TBC1D17: variants seen among roughly 807,000 people sequenced by gnomAD.
TBC1D17 encodes TBC1 domain family, member 17.
A neutral mutation model predicts 78.8 loss-of-function variants in TBC1D17; 69 were observed. The observed-to-expected ratio is 0.88, with a 90% CI of 0.72 to 1.07. The LOEUF is 1.07. Ranked by LOEUF, TBC1D17 falls within the 50% of genes least tolerant of loss-of-function variation. TBC1D17 has a pLI of 0.00. For missense variants in TBC1D17, 957 were observed against 861.0 expected (o/e 1.11, Z -1.39); for synonymous variants, 456 against 358.3 (o/e 1.27, Z -3.08).
rs1316517621 is a variant in TBC1D17 at position 49,888,329 on chromosome 19, T to A, written c.1746+12T>A. The A allele has an allele frequency of 1.3e-6, 2 of 1,558,330 alleles. No homozygotes were observed. Among genetic ancestry groups the A allele is most frequent in the Admixed American group, 1.9e-5 (1 of 52,468 alleles). On this transcript the variant is annotated intron_variant, in intron 16 of 16. Coordinates refer to ENST00000221543, the MANE Select transcript of TBC1D17 (RefSeq NM_024682.3). ...TAACCGCCTGCCCCGTGAGTCCCCG[T>A]CCGCCCCGCAGCGCCCCGCCCGAAC...
intron 9 of TBC1D17, among the ~76,000 whole-genome samples, chr19:49,883,403 C>T (rs2075032775): frequency 6.6e-6 from 1 of 152,228 alleles, no homozygotes; most frequent in Non-Finnish European, 1.5e-5. Context: ...GGACGATTCC[C>T]TGTCCCTGGT....
chr19:49,885,793 A>T (rs2075053849), intron 13 of TBC1D17, among the ~76,000 whole-genome samples: 1 of 151,848 alleles, frequency 6.6e-6, no homozygotes, highest in Non-Finnish European at 1.5e-5. Flanking sequence ...GCAACATAGC[A>T]AAACTCTGTT....
At chr19:49,887,979 T>C (rs987865192) in intron 15 of TBC1D17, 145 bp downstream of exon 15, 2 of 912,484 alleles carry the variant, frequency 2.2e-6, no homozygotes, top group African/African-American at 3.3e-5. Flanking sequence ...GCCGCGTAGG[T>C]TTCCCTTCTG....
chr19:49,882,422 C>G, intron 7 of TBC1D17, 22 bp downstream of exon 7: 2 of 1,584,998 alleles, frequency 1.3e-6, no homozygotes, highest in Middle Eastern at 3.3e-4. Flanking sequence ...GTGGACCCTC[C>G]CTGTTATTTC....
At chr19:49,883,219 G>A in intron 9 of TBC1D17, 143 bp downstream of exon 9, 1 of 716,412 alleles carries the variant, frequency 1.4e-6, no homozygotes, top group East Asian at 2.8e-5. Flanking sequence ...CAATGATCAA[G>A]CCAGACCCAT....
At chr19:49,878,276 C>G in intron 2 of TBC1D17, 35 bp downstream of exon 2, 15 of 1,540,694 alleles carry the variant, frequency 9.7e-6, no homozygotes, top group Non-Finnish European at 1.3e-5. Flanking sequence ...GGACCCGCTC[C>G]GAGCGGGATG....
Position 49,887,834 on chromosome 19 carries a change from G to A in TBC1D17, c.1659G>A (p.Lys553=), listed in dbSNP as rs1309575936. The A allele has an allele frequency of 6.2e-7, 1 of 1,607,202 alleles. No individual in the cohort carries two copies. Among genetic ancestry groups the A allele is most frequent in the South Asian group, 1.1e-5 (1 of 90,110 alleles). The change falls in exon 15 of 17, where the codon AAG becomes AAA. Residue 553 remains lysine, a splice_region_variant and synonymous_variant. Coordinates refer to ENST00000221543, the MANE Select transcript of TBC1D17 (RefSeq NM_024682.3). ...LSGFGSNEIL[K]HINELTMKLS... ...GCTTCGGCTCCAATGAGATCCTCAAGGTGAGGCTCCGGCCCCGCCCCCGCC... is the reference window on the plus strand; with the variant it reads ...GCTTCGGCTCCAATGAGATCCTCAAAGTGAGGCTCCGGCCCCGCCCCCGCC...
intron 13 of TBC1D17, chr19:49,886,785 A>C (rs746739764): frequency 9.2e-5 from 14 of 152,418 alleles, no homozygotes; most frequent in Non-Finnish European, 1.9e-4. Context: ...AAAAAGGTTC[A>C]ACACCAGCTT....
rs1319941193 is a variant in TBC1D17 at position 49,878,161 on chromosome 19, G to A, written c.40G>A (p.Gly14Arg). The change falls in exon 2 of 17, where the codon GGA (glycine) becomes AGA (arginine). Residue 14 changes from glycine (G) to arginine (R), a missense_variant. Transcript: ENST00000221543. ...AACTCAGGTGGTGTTTGAGAAGGGC[G>A]GAGTGTACCTGCACACCAGCGCTAA... ...AGYRVVFEKG[G>R]VYLHTSAKKY... is the part of the protein sequence containing the mutation. 5 of 1,578,332 alleles carry A rather than the reference G, an allele frequency of 3.2e-6. No homozygotes were observed. The highest frequency in any genetic ancestry group is 1.4e-5 in the African/African-American group (1 of 73,770).
At chr19:49,880,241 C>T in intron 3 of TBC1D17, 38 bp from the exon 4 acceptor site, 1 of 1,610,038 alleles carries the variant, frequency 6.2e-7, no homozygotes, top group Non-Finnish European at 8.5e-7. Context: ...AGATCTGAAT[C>T]CATGGCCCCT....
chr19:49,877,912 C>T, intron 1 of TBC1D17, 168 bp downstream of exon 1: 2 of 862,224 alleles, frequency 2.3e-6, no homozygotes, highest in South Asian at 1.8e-5. Context: ...AGGGAAGAAC[C>T]TCCCATGGCC....
chr19:49,888,143 TCATTGTTTC>T (rs2075078010), intron 15 of TBC1D17, 79 bp from the exon 16 acceptor site: 1 of 1,544,650 alleles, frequency 6.5e-7, no homozygotes, highest in African/African-American at 1.4e-5. Context: ...CGGTGTGTCT[TCATTGTTTC>T]CCAGCACGAA....
chr19:49,880,749 G>C (rs549506369), intron 4 of TBC1D17, among the ~76,000 whole-genome samples: 3 of 152,224 alleles, frequency 2.0e-5, no homozygotes, highest in Non-Finnish European at 2.9e-5. Context: ...AGGGTGCAGG[G>C]GACATCCAGA....
chr19:49,881,498 G>A (rs373537479), intron 5 of TBC1D17, 23 bp downstream of exon 5: 8 of 1,599,776 alleles, frequency 5.0e-6, no homozygotes, highest in African/African-American at 4.0e-5. Context: ...CCAGTGCTGG[G>A]CCTTAAACCG....
At position 49,888,284 on chromosome 19, in the gene TBC1D17, C is replaced by T. The variant is rs773099373; in HGVS notation, c.1713C>T (p.Ala571=). 1.9e-6 allele frequency: 3 copies of T among 1,592,198 alleles called. No individual in the cohort carries two copies. The highest frequency in any genetic ancestry group is 1.1e-5 in the South Asian group (1 of 87,766). ...GCGTGGAGGACGTGCTGACCCGCGCCGAGGCCCTGCACCGCCAGCTAACCG... is the reference window on the plus strand; with the variant it reads ...GCGTGGAGGACGTGCTGACCCGCGCTGAGGCCCTGCACCGCCAGCTAACCG... ...KLSVEDVLTR[A]EALHRQLTAC... Residue 571 remains alanine, a synonymous_variant, in exon 16 of 17, where the codon GCC becomes GCT. Transcript: ENST00000221543.
intron 4 of TBC1D17, among the ~76,000 whole-genome samples, 199 bp downstream of exon 4, chr19:49,880,601 G>T (rs1344078628): frequency 6.6e-6 from 1 of 152,246 alleles, no homozygotes; most frequent in East Asian, 1.9e-4. Context: ...GTGTCTCTGA[G>T]ACTGCAGCCT....
chr19:49,879,685 C>T (rs1205794086), intron 3 of TBC1D17, among the ~76,000 whole-genome samples: 1 of 148,280 alleles, frequency 6.7e-6, no homozygotes, highest in African/African-American at 2.5e-5. Context: ...TTTGTATTTA[C>T]CTGGTGAGTA....
chr19:49,887,546 C>A lies in TBC1D17; in HGVS notation c.1515C>A (p.Pro505=). 6.2e-7 allele frequency: 1 copy of A among 1,614,198 alleles called. No homozygotes were observed. ...TCATCTGGTTCAAGAGGGAATTCCCCTTCCCGGATGTCCTTCGGCTGTGGG... is the reference window on the plus strand; with the variant it reads ...TCATCTGGTTCAAGAGGGAATTCCCATTCCCGGATGTCCTTCGGCTGTGGG... The part of the protein sequence containing the change: ...WLLIWFKREF[P]FPDVLRLWEV... Residue 505 remains proline, a synonymous_variant, in exon 14 of 17, where the codon CCC becomes CCA. Transcript: ENST00000221543.
At chr19:49,887,375 C>A in intron 13 of TBC1D17, 101 bp from the exon 14 acceptor site, 1 of 1,253,442 alleles carries the variant, frequency 8.0e-7, no homozygotes, top group South Asian at 1.3e-5. Context: ...AGGCATAAGT[C>A]ACTTGCCTAG....
Sources: gnomAD v4.1 joint callset for allele counts (sites outside exome capture counted in the v4.1 genomes callset) on GRCh38, gnomAD v4.1.1 for gene constraint, MANE v1.5 for transcripts, NCBI Gene and HGNC (gene_info 2026-07-23, HGNC 2026-07-21) for gene names.